Variants in PTPRN2 observed in about 807,000 individuals in gnomAD.
The protein encoded by PTPRN2 is protein tyrosine phosphatase receptor type N2.
A neutral mutation model predicts 118.8 loss-of-function variants in PTPRN2; 74 were observed. That is an observed-to-expected ratio of 0.62 (90% CI 0.52 to 0.76). PTPRN2 has a LOEUF of 0.76. PTPRN2 is among the 30% of genes least tolerant of loss of function. The probability of loss-of-function intolerance (pLI) is 0.00; values close to 1 mark genes in which losing one functional copy is unlikely to be tolerated. For missense variants in PTPRN2, 1,481 were observed against 1,394.4 expected (o/e 1.06, Z -0.99); for synonymous variants, 641 against 608.0 (o/e 1.05, Z -0.80).
intron 12 of PTPRN2, among the ~76,000 whole-genome samples, chr7:157,839,912 C>T (rs116572342): frequency 0.026 from 3,799 of 146,582 alleles, 171 homozygotes; most frequent in African/African-American, 0.091. Context: ...GACTGTGTGG[C>T]CATATGTGAC....
At chr7:158,358,276 T>TG (rs1808554664) in intron 2 of PTPRN2, among the ~76,000 whole-genome samples, 1 of 152,222 alleles carries the variant, frequency 6.6e-6, no homozygotes, top group East Asian at 1.9e-4. Context: ...GAGGTAGCCA[T>TG]GGGGGGCCCT....
chr7:158,495,064 G>A (rs1360784266), intron 1 of PTPRN2, among the ~76,000 whole-genome samples: 1 of 151,920 alleles, frequency 6.6e-6, no homozygotes, highest in Non-Finnish European at 1.5e-5. Flanking sequence ...AGCACCCCAG[G>A]AACCCCAGTC....
intron 11 of PTPRN2, among the ~76,000 whole-genome samples, chr7:157,941,607 G>T (rs1009149817): frequency 6.6e-6 from 1 of 152,242 alleles, no homozygotes; most frequent in African/African-American, 2.4e-5. Context: ...AGTTAGCAGA[G>T]AGGGGCTCCT....
At chr7:158,538,546 T>A (rs1353758848) in intron 1 of PTPRN2, among the ~76,000 whole-genome samples, 1 of 152,078 alleles carries the variant, frequency 6.6e-6, no homozygotes, top group Non-Finnish European at 1.5e-5. Context: ...CTCCCAGCCG[T>A]CACACATGGC....
intron 11 of PTPRN2, among the ~76,000 whole-genome samples, chr7:158,048,371 T>G (rs73171540): frequency 2.5e-3 from 388 of 152,252 alleles, no homozygotes; most frequent in Non-Finnish European, 4.8e-3. Flanking sequence ...GGTCCTCATG[T>G]TACATTTTCT....
In PTPRN2 at chr7:157,583,384, A is replaced by T. The variant is rs909274521; in HGVS notation, c.2497-5244T>A. On this transcript the variant is annotated intron_variant, in intron 17 of 22. Transcript: ENST00000389418. This position sits in a 1 kb window ranked among gnomAD's most constrained non-coding sequence, Gnocchi z 5.5. ...CCAGTAGAGGACAGCTGAATTCTGGAGACCTGGCATTCAGCATGGTGACTG... is the reference window on the plus strand; with the variant it reads ...CCAGTAGAGGACAGCTGAATTCTGGTGACCTGGCATTCAGCATGGTGACTG... Among the ~76,000 whole-genome samples, 1 of 152,132 alleles carries T rather than the reference A, an allele frequency of 6.6e-6. No homozygotes were observed. Among genetic ancestry groups the T allele is most frequent in the Admixed American group, 6.5e-5 (1 of 15,286 alleles).
Position 158,172,583 on chromosome 7 carries a change from C to A in PTPRN2, c.550-5292G>T, listed in dbSNP as rs367749966. ...TCTCCACCATCCACAACAGCATCTC[C>A]ACTATCTCCACCATCAACAACAGCA... is the stretch of plus-strand genomic sequence containing the variant. On this transcript the variant is annotated intron_variant, in intron 5 of 22. Coordinates refer to ENST00000389418, the MANE Select transcript of PTPRN2 (RefSeq NM_002847.5). Among the ~76,000 whole-genome samples the A allele has an allele frequency of 1.1e-4, 16 of 151,128 alleles. No individual in the cohort carries two copies. The East Asian group carries it at 3.2e-3, about 30-fold the overall frequency.
At chr7:157,773,528 G>T (rs990618329) in intron 12 of PTPRN2, among the ~76,000 whole-genome samples, 1 of 152,156 alleles carries the variant, frequency 6.6e-6, no homozygotes, top group African/African-American at 2.4e-5. Context: ...CCATCAGCCC[G>T]CTGCGAGGGC....
intron 11 of PTPRN2, among the ~76,000 whole-genome samples, chr7:157,995,707 C>G (rs1007353673): frequency 6.6e-6 from 1 of 152,198 alleles, no homozygotes; most frequent in African/African-American, 2.4e-5. Context: ...CATGAGCAGG[C>G]GGCGTAGCAC....
In PTPRN2 at chr7:158,125,363, T is replaced by A. The variant is rs993392324; in HGVS notation, c.1556+8314A>T. Among the ~76,000 whole-genome samples, 493 of 147,646 alleles carry A rather than the reference T, an allele frequency of 3.3e-3. 5 individuals are homozygous for A. The highest frequency in any genetic ancestry group is 0.012 in the African/African-American group (472 of 39,578). On this transcript the variant is annotated intron_variant, in intron 9 of 22. Coordinates refer to ENST00000389418, the MANE Select transcript of PTPRN2 (RefSeq NM_002847.5). ...TCCCACAGCCGCCCCCTGCCTCGCG[T>A]CCCTCCCACGGCCACCCCCCTGCCT...
In PTPRN2 at chr7:158,321,462, C is replaced by T. The variant is rs145050601; in HGVS notation, c.164-4530G>A. Among the ~76,000 whole-genome samples the T allele has an allele frequency of 5.0e-3, 757 of 152,280 alleles. 7 individuals carry two copies. The highest frequency in any genetic ancestry group is 0.017 in the African/African-American group (715 of 41,544). Reference sequence around the variant, plus strand: ...CAGCCTGTCGACATGACCCTATCGTCGAAGCCCGGACTGACCCGTCCAGCT... The same window carrying T: ...CAGCCTGTCGACATGACCCTATCGTTGAAGCCCGGACTGACCCGTCCAGCT... On this transcript the variant is annotated intron_variant, in intron 2 of 22. Transcript: ENST00000389418.
chr7:158,441,379 GTGGTGGTGGTGATAATGATGGTCA>G (rs1563297318), intron 2 of PTPRN2, among the ~76,000 whole-genome samples: 4 of 148,040 alleles, frequency 2.7e-5, no homozygotes. Context: ...GGTGGCAGTG[GTGGTGGTGGTGATAATGATGGTCA>G]TGGTAGTGGT....
In PTPRN2 at chr7:158,146,700, G is replaced by T. The variant is rs191367083; in HGVS notation, c.911-8185C>A. Among the ~76,000 whole-genome samples the T allele has an allele frequency of 4.5e-3, 634 of 141,980 alleles. 16 individuals are homozygous for T. In the East Asian group the frequency reaches 0.059, roughly 13 times the overall value. The allele number at this position is 141,980 out of a possible 152,430, so 93.1% of individuals were successfully genotyped here. On this transcript the variant is annotated intron_variant, in intron 6 of 22. Coordinates refer to ENST00000389418, the MANE Select transcript of PTPRN2 (RefSeq NM_002847.5). The stretch of plus-strand genomic sequence containing the variant: ...CGCGCCACTGCACTCCAGCCTGGGC[G>T]ACAGAGCGAGACTCTGCCTCAAAAA...
intron 12 of PTPRN2, among the ~76,000 whole-genome samples, chr7:157,692,029 A>C (rs1330426727): frequency 2.0e-5 from 3 of 152,220 alleles, no homozygotes; most frequent in Non-Finnish European, 4.4e-5. Context: ...CCACAGCTGC[A>C]GGAACAAGGA....
At chr7:157,740,932 C>A (rs571720862) in intron 12 of PTPRN2, among the ~76,000 whole-genome samples, 2 of 152,294 alleles carry the variant, frequency 1.3e-5, no homozygotes, top group East Asian at 3.9e-4. Context: ...ATTGGAAAAC[C>A]CATGGGCCAC....
chr7:157,600,506 T>A (rs1233452358), intron 16 of PTPRN2, among the ~76,000 whole-genome samples: 1 of 152,152 alleles, frequency 6.6e-6, no homozygotes, highest in Non-Finnish European at 1.5e-5. Flanking sequence ...CTGCAACCTC[T>A]CCCTCCTGGG....
At chr7:158,277,721 C>T (rs745672251) in intron 3 of PTPRN2, among the ~76,000 whole-genome samples, 85 of 152,254 alleles carry the variant, frequency 5.6e-4, no homozygotes, top group Middle Eastern at 6.8e-3. Flanking sequence ...AAACTCTGTA[C>T]GGTCCTCCCT....
Position 157,779,299 on chromosome 7 carries a change from C to G in PTPRN2, c.1789-96362G>C, listed in dbSNP as rs1204926846. ...AAGGCATGTGCTCGGTGGAGGAGGC[C>G]TAACTGTTGCTACTCTTGGTGACCT... On this transcript the variant is annotated intron_variant, in intron 12 of 22. Transcript: ENST00000389418. The surrounding 1 kb of genome is among the most constrained non-coding windows in gnomAD (Gnocchi z 4.7). 6.6e-6 allele frequency among the ~76,000 whole-genome samples: 1 copy of G among 152,176 alleles called. No homozygotes were observed. The highest frequency in any genetic ancestry group is 1.5e-5 in the Non-Finnish European group (1 of 68,022).
intron 12 of PTPRN2, among the ~76,000 whole-genome samples, chr7:157,770,732 GCTCCA>G (rs1802751409): frequency 2.6e-5 from 4 of 152,232 alleles, no homozygotes. Context: ...CGTTCAGCCA[GCTCCA>G]GACACAGCAA....
Sources: allele counts gnomAD v4.1 joint callset (sites outside exome capture counted in the v4.1 genomes callset), GRCh38; gene constraint gnomAD v4.1.1; non-coding constraint Gnocchi (gnomAD v3.1); transcripts MANE v1.5; gene names NCBI Gene and HGNC (gene_info 2026-07-23, HGNC 2026-07-21).